Variants in NCOA2 observed in about 807,000 individuals in gnomAD.
NCOA2 encodes nuclear receptor coactivator 2.
A neutral mutation model predicts 145.1 loss-of-function variants in NCOA2; 21 were observed. The ratio of observed to expected loss-of-function variants is 0.14; its 90% CI spans 0.10 to 0.21. The LOEUF (loss-of-function observed/expected upper bound fraction) is 0.21. Ranked by LOEUF, NCOA2 falls within the 10% of genes least tolerant of loss-of-function variation. The probability of loss-of-function intolerance (pLI) is 1.00; values close to 1 mark genes in which losing one functional copy is unlikely to be tolerated. For synonymous variants in NCOA2, 619 were observed against 637.5 expected (o/e 0.97, Z 0.44); for missense variants, 1,472 against 1,837.6 (o/e 0.80, Z 3.64).
At chr8:70,167,406 CCTAT>C (rs1813739488) in intron 6 of NCOA2, among the ~76,000 whole-genome samples, 2 of 152,178 alleles carry the variant, frequency 1.3e-5, no homozygotes, top group Non-Finnish European at 2.9e-5. Flanking sequence ...CTGCTGCCAC[CCTAT>C]CTGACATATC....
chr8:70,307,579 C>T (rs1007287069), intron 1 of NCOA2, among the ~76,000 whole-genome samples: 1 of 152,210 alleles, frequency 6.6e-6, no homozygotes, highest in African/African-American at 2.4e-5. Context: ...AACTTATTGC[C>T]ATTTAATTTC....
chr8:70,273,695 A>G, intron 2 of NCOA2: 1 of 643,574 alleles, frequency 1.6e-6, no homozygotes, highest in Admixed American at 1.8e-5. Context: ...TGGTGCAGGC[A>G]GTCTGACTAG....
chr8:70,336,439 G>A (rs780186248), intron 1 of NCOA2, among the ~76,000 whole-genome samples: 7 of 152,108 alleles, frequency 4.6e-5, no homozygotes, highest in Admixed American at 1.3e-4. Flanking sequence ...TTATATGTAC[G>A]TATTAGCCCA....
intron 5 of NCOA2, among the ~76,000 whole-genome samples, chr8:70,171,061 T>A (rs1239457327): frequency 6.6e-6 from 1 of 152,208 alleles, no homozygotes; most frequent in African/African-American, 2.4e-5. Context: ...TTATTCTATG[T>A]TACTTGTTCT....
intron 2 of NCOA2, among the ~76,000 whole-genome samples, chr8:70,263,090 A>T (rs2135099532): frequency 6.6e-6 from 1 of 150,608 alleles, no homozygotes; most frequent in African/African-American, 2.4e-5. Context: ...GAGTATCCAA[A>T]TTGCCAGCAT....
At position 70,305,901 on chromosome 8, in the gene NCOA2, T is replaced by C. The variant is rs186442574; in HGVS notation, c.-76-9101A>G. Among the ~76,000 whole-genome samples the C allele has an allele frequency of 2.6e-5, 4 of 152,056 alleles. No homozygotes were observed. In the East Asian group the frequency reaches 7.7e-4, roughly 29 times the overall value. ...ACAGTGAAGAACTTTACCTGTGGAGTAGTTAGTACCTAGCCACATTTTAAT... is the reference window on the plus strand; with the variant it reads ...ACAGTGAAGAACTTTACCTGTGGAGCAGTTAGTACCTAGCCACATTTTAAT... On this transcript the variant is annotated intron_variant, in intron 1 of 22. Coordinates refer to ENST00000452400, the MANE Select transcript of NCOA2 (RefSeq NM_006540.4).
chr8:70,205,606 GA>G (rs562082249), intron 4 of NCOA2, among the ~76,000 whole-genome samples: 16 of 150,680 alleles, frequency 1.1e-4, no homozygotes, highest in East Asian at 2.0e-4. Context: ...GCTGAGAGGG[GA>G]AAAAAAAAGA....
At chr8:70,273,151 A>G (rs113815470) in intron 2 of NCOA2, among the ~76,000 whole-genome samples, 21 of 152,332 alleles carry the variant, frequency 1.4e-4, no homozygotes, top group African/African-American at 5.1e-4. Context: ...AGGCACACCT[A>G]TAATTTTTTA....
At chr8:70,201,728 C>T (rs1817908530) in intron 4 of NCOA2, among the ~76,000 whole-genome samples, 1 of 152,216 alleles carries the variant, frequency 6.6e-6, no homozygotes, top group Non-Finnish European at 1.5e-5. Flanking sequence ...ACAGCCATTA[C>T]ACTTCTTCTT....
chr8:70,444,919 G>A, the NCOA2 span, among the ~76,000 whole-genome samples: 3,605 of 152,230 alleles, frequency 0.024, 143 homozygotes, highest in African/African-American at 0.08. Context: ...GGAGCTTAGA[G>A]TTTTATTAAT....
intron 2 of NCOA2, among the ~76,000 whole-genome samples, chr8:70,257,415 G>T (rs908398816): frequency 1.3e-5 from 2 of 152,136 alleles, no homozygotes; most frequent in Admixed American, 6.5e-5. Context: ...AAACCAATCA[G>T]ATAAGTATCT....
intron 1 of NCOA2, among the ~76,000 whole-genome samples, chr8:70,401,021 C>CGT (rs1400338423): frequency 6.6e-6 from 1 of 152,156 alleles, no homozygotes; most frequent in Admixed American, 6.5e-5. Context: ...AAAGATTCTA[C>CGT]AAATTCCAGG....
intron 12 of NCOA2, among the ~76,000 whole-genome samples, chr8:70,146,120 T>C (rs1484377078): frequency 6.6e-6 from 1 of 152,234 alleles, no homozygotes; most frequent in African/African-American, 2.4e-5. Context: ...TGGGCTTTCC[T>C]AGGATTAGAA....
chr8:70,449,780 T>C, the NCOA2 span, among the ~76,000 whole-genome samples: 1 of 152,216 alleles, frequency 6.6e-6, no homozygotes, highest in Non-Finnish European at 1.5e-5. Context: ...CACATGGGAC[T>C]AGACCAGAGA....
intron 2 of NCOA2, among the ~76,000 whole-genome samples, chr8:70,278,915 G>A (rs913716398): frequency 1.3e-5 from 2 of 151,022 alleles, no homozygotes; most frequent in Non-Finnish European, 2.9e-5. Context: ...GCAGTGAACC[G>A]ACGTTGTGCC....
At chr8:70,135,872 T>C (rs1265563360) in intron 15 of NCOA2, among the ~76,000 whole-genome samples, 2 of 152,168 alleles carry the variant, frequency 1.3e-5, no homozygotes, top group African/African-American at 4.8e-5. Context: ...ATTTATGGAC[T>C]AGTAGGTCAT....
In NCOA2 at chr8:70,124,129, T is replaced by C. The variant is rs752966619; in HGVS notation, c.4095-47A>G. The stretch of plus-strand genomic sequence containing the variant: ...GAATGAATGTTACAGCTTGCTGGTA[T>C]CCAGAGGCAGGCAGCTCAGGGCACT... On this transcript the variant is annotated intron_variant, in intron 20 of 22. Coordinates refer to ENST00000452400, the MANE Select transcript of NCOA2 (RefSeq NM_006540.4). The C allele has an allele frequency of 3.1e-5, 48 of 1,570,592 alleles. No homozygotes were observed. In the East Asian group the frequency reaches 1.0e-3, roughly 33 times the overall value.
At chr8:70,409,893 AAGAG>A in the NCOA2 span, among the ~76,000 whole-genome samples, 9 of 151,086 alleles carry the variant, frequency 6.0e-5, no homozygotes, top group East Asian at 1.9e-4. Flanking sequence ...GAAAGAATAA[AAGAG>A]AGAGAGAGAG....
At chr8:70,239,907 G>A (rs1488213959) in intron 2 of NCOA2, among the ~76,000 whole-genome samples, 2 of 152,152 alleles carry the variant, frequency 1.3e-5, no homozygotes, top group African/African-American at 4.8e-5. Context: ...GGCATGACAG[G>A]CAGAGCAGAA....
Sources: gnomAD v4.1 joint callset for allele counts (sites outside exome capture counted in the v4.1 genomes callset) on GRCh38, gnomAD v4.1.1 for gene constraint, MANE v1.5 for transcripts, NCBI Gene and HGNC (gene_info 2026-07-23, HGNC 2026-07-21) for gene names.